The following TM2D3 variants were observed in gnomAD, a reference collection of about 807,000 sequenced individuals.
TM2D3 encodes TM2 domain-containing protein 3.
In TM2D3, 33 loss-of-function variants were observed where a neutral mutation model predicts 27.3. The ratio of observed to expected loss-of-function variants is 1.21; its 90% CI spans 0.92 to 1.61. TM2D3 has a LOEUF of 1.61. Among genes scored for constraint, TM2D3 ranks in the 40% most tolerant of loss-of-function variants. The pLI is 0.00. For missense variants in TM2D3, 364 were observed against 320.8 expected, an observed-to-expected ratio of 1.13 and a Z score of -1.03; for synonymous variants, 138 against 122.2, an observed-to-expected ratio of 1.13 and a Z score of -0.85.
intron 5 of TM2D3, among the ~76,000 whole-genome samples, chr15:101,644,772 A>G (rs1596264326): frequency 6.6e-6 from 1 of 152,300 alleles, no homozygotes; most frequent in East Asian, 1.9e-4. Context: ...TTTTTATAAT[A>G]GTTACTTAAA....
intron 3 of TM2D3, chr15:101,648,287 G>A (rs1430613403): frequency 6.6e-6 from 1 of 152,080 alleles, no homozygotes; most frequent in Non-Finnish European, 1.5e-5. Context: ...TTCCAACTTT[G>A]GCATATGCGC....
downstream of TM2D3, among the ~76,000 whole-genome samples, chr15:101,640,551 G>A (rs954212765): frequency 6.6e-6 from 1 of 152,230 alleles, no homozygotes; most frequent in African/African-American, 2.4e-5. Context: ...GCATTTTGCT[G>A]CCAGCAGAGG....
rs1191908346 is a variant in TM2D3, at chr15:101,642,291, T to G, written c.*188A>C. On this transcript the variant is annotated 3_prime_UTR_variant, in exon 6 of 6. Transcript: ENST00000333202. ...ATTTTTTCACAGAAAAAAATATATTTCAGGCAAATAAAAACAAATTCCAGA... is the reference window on the plus strand; with the variant it reads ...ATTTTTTCACAGAAAAAAATATATTGCAGGCAAATAAAAACAAATTCCAGA... 7.9e-7 allele frequency: 1 copy of G among 1,259,932 alleles called. No individual in the cohort carries two copies. The highest frequency in any genetic ancestry group is 1.0e-6 in the Non-Finnish European group (1 of 1,001,754). 78.0% of individuals were successfully genotyped at this position (1,259,932 alleles called of 1,614,324 possible).
chr15:101,646,978 T>C lies in TM2D3; in HGVS notation c.328-79A>G, dbSNP rs3759854. ...ATGTCAGTAAGACTACACAGTCACATGGCACAAAATTCCGTAAATGCTTGT... is the reference window on the plus strand; with the variant it reads ...ATGTCAGTAAGACTACACAGTCACACGGCACAAAATTCCGTAAATGCTTGT... On this transcript the variant is annotated intron_variant, in intron 3 of 5. Coordinates refer to ENST00000333202, the MANE Select transcript of TM2D3 (RefSeq NM_078474.3). The C allele has an allele frequency of 3.7e-3, 5,609 of 1,508,516 alleles. 186 individuals carry two copies. In the East Asian group the frequency reaches 0.092, roughly 25 times the overall value. 93.4% of individuals were successfully genotyped at this position (1,508,516 alleles called of 1,614,324 possible). A position where few individuals can be genotyped will look rare whatever the true frequency, so the allele number is the denominator to read the frequency against.
At chr15:101,646,372 G>A in intron 4 of TM2D3, 1 of 257,524 alleles carries the variant, frequency 3.9e-6, no homozygotes, top group Non-Finnish European at 7.5e-6. Flanking sequence ...TGGTTACCTT[G>A]GAAGAGGAGG....
At position 101,650,055 on chromosome 15, in the gene TM2D3, A is replaced by G; in HGVS notation, c.276T>C (p.Tyr92=). The change falls in exon 3 of 6, where the codon TAT becomes TAC. Residue 92 remains tyrosine (Y), a synonymous_variant. Transcript: ENST00000333202. ...CACAGTCAAAAGTGACAGGCTTCCC[A>G]TAGGTACAGGAGAAATTTGTTGTGC... is the stretch of plus-strand genomic sequence containing the variant. ...IDCTTNFSCT[Y]GKPVTFDCAV... is the part of the protein sequence containing the mutation. 1.2e-6 allele frequency: 2 copies of G among 1,614,220 alleles called. No homozygotes were observed. Among genetic ancestry groups the G allele is most frequent in the Non-Finnish European group, 1.7e-6 (2 of 1,180,032 alleles).
At chr15:101,635,282 T>TA (rs550593685) in intron 4 of TM2D3, 16 of 152,284 alleles carry the variant, frequency 1.1e-4, no homozygotes, top group East Asian at 9.6e-4. Context: ...TTTATAGCAT[T>TA]ACTTATAATA....
chr15:101,650,222 A>G, intron 2 of TM2D3, 61 bp from the exon 3 acceptor site: 1 of 1,534,516 alleles, frequency 6.5e-7, no homozygotes, highest in South Asian at 1.2e-5. Context: ...ACAGAGAACA[A>G]TCTTCTAAGG....
chr15:101,637,829 G>A (rs1458834188), downstream of TM2D3, among the ~76,000 whole-genome samples: 5 of 152,164 alleles, frequency 3.3e-5, no homozygotes, highest in Admixed American at 3.3e-4. Flanking sequence ...TGGGTGGTGA[G>A]TCATTTCATT....
At chr15:101,652,173 C>A in intron 1 of TM2D3, 98 bp downstream of exon 1, 2 of 1,170,600 alleles carry the variant, frequency 1.7e-6, no homozygotes, top group East Asian at 2.8e-5. Context: ...GGCCTCCTCC[C>A]CGCGTCAGCG....
rs948423364 is a variant in TM2D3 at position 101,643,923 on chromosome 15, C to T, written c.578+1164G>A. Among the ~76,000 whole-genome samples, 3 of 152,176 alleles carry T rather than the reference C, an allele frequency of 2.0e-5. No homozygotes were observed. In the South Asian group the frequency reaches 6.2e-4, roughly 32 times the overall value. ...GGAGTGCAGTGGTGCAATGCCAGCT[C>T]ACTGCAGCCTCCTCCTCCTGGGCTC... is the stretch of plus-strand genomic sequence containing the variant. On this transcript the variant is annotated intron_variant, in intron 5 of 5. Transcript: ENST00000333202.
downstream of TM2D3, among the ~76,000 whole-genome samples, chr15:101,637,739 TTTTA>T (rs1188674930): frequency 6.6e-6 from 1 of 152,114 alleles, no homozygotes; most frequent in Non-Finnish European, 1.5e-5. Context: ...ACCTGCTTAT[TTTTA>T]TTTATTTTTT....
At chr15:101,638,370 C>T (rs950818167), downstream of TM2D3, among the ~76,000 whole-genome samples, 7 of 151,874 alleles carry the variant, frequency 4.6e-5, no homozygotes, top group African/African-American at 1.7e-4. Flanking sequence ...TCTCGGCTCA[C>T]AGCAGCCTCT....
chr15:101,651,546 T>C (rs1567314600), intron 2 of TM2D3, 150 bp downstream of exon 2: 1 of 747,622 alleles, frequency 1.3e-6, no homozygotes, highest in Admixed American at 2.8e-5. Flanking sequence ...AAAATGGCTG[T>C]GTATCTACCC....
chr15:101,646,805 G>C lies in TM2D3; in HGVS notation c.422C>G (p.Ser141Cys), dbSNP rs750665711. ...ACAGGACACCGTCATGCAGCTGGTG[G>C]AGTTGGTACACTCGTAATCTGTTTC... ...LPETDYECTN[S>C]TSCMTVSCPR... Residue 141 changes from serine to cysteine, a missense_variant, in exon 4 of 6, where the codon TCC (serine) becomes TGC (cysteine). Transcript: ENST00000333202. 2 of 1,614,190 alleles carry C rather than the reference G, an allele frequency of 1.2e-6. No individual in the cohort carries two copies. The highest frequency in any genetic ancestry group is 1.7e-6 in the Non-Finnish European group (2 of 1,180,026).
intron 5 of TM2D3, 141 bp from the exon 6 acceptor site, chr15:101,642,785 T>A (rs1896702037): frequency 3.7e-6 from 2 of 543,388 alleles, no homozygotes. Context: ...AAGTGACTAT[T>A]TCACAAACTG....
Position 101,642,372 on chromosome 15 carries a change from G to A in TM2D3, c.*107C>T, listed in dbSNP as rs895857896. ...CCTTTATCAAGGCAAACAAAGTACAGATGCTGTACATTAAAAACATAGAAA... is the reference window on the plus strand; with the variant it reads ...CCTTTATCAAGGCAAACAAAGTACAAATGCTGTACATTAAAAACATAGAAA... On this transcript the variant is annotated 3_prime_UTR_variant, in exon 6 of 6. Coordinates refer to ENST00000333202, the MANE Select transcript of TM2D3 (RefSeq NM_078474.3). The A allele has an allele frequency of 1.2e-5, 17 of 1,393,460 alleles. No individual in the cohort carries two copies. Among genetic ancestry groups the A allele is most frequent in the Non-Finnish European group, 1.6e-5 (17 of 1,068,712 alleles). 86.3% of individuals were successfully genotyped at this position (1,393,460 alleles called of 1,614,324 possible).
At chr15:101,633,737 A>C in intron 4 of TM2D3, 1 of 1,527,174 alleles carries the variant, frequency 6.5e-7, no homozygotes, top group Admixed American at 2.0e-5. Flanking sequence ...GACTATACCC[A>C]AAAAGAAGAA....
intron 5 of TM2D3, among the ~76,000 whole-genome samples, chr15:101,643,601 AAAAAAAAAAAAAAAAAAAAAAGC>A (rs1206445925): frequency 3.3e-4 from 39 of 119,852 alleles, no homozygotes; most frequent in African/African-American, 8.2e-4. Flanking sequence ...GACTCCGTTA[AAAAAAAAAAAAAAAAAAAAAAGC>A]AAAAAAAAAA....
Sources: gnomAD v4.1 joint callset for allele counts (sites outside exome capture counted in the v4.1 genomes callset) on GRCh38, gnomAD v4.1.1 for gene constraint, MANE v1.5 for transcripts, NCBI Gene and HGNC (gene_info 2026-07-23, HGNC 2026-07-21) for gene names.